Variants in LGR6 observed in about 807,000 individuals in gnomAD.
LGR6 encodes the protein leucine rich repeat containing G protein-coupled receptor 6, also known as leucine-rich repeat-containing G protein-coupled receptor 6.
Under a neutral mutation model 69.4 loss-of-function variants are expected in LGR6, and 45 were observed. That is an observed-to-expected ratio of 0.65 (90% confidence interval 0.51 to 0.83). The LOEUF is 0.83. Ranked by LOEUF, LGR6 falls within the 40% of genes least tolerant of loss-of-function variation. The pLI is 0.00. For synonymous variants in LGR6, 538 were observed against 555.0 expected (o/e 0.97, Z 0.43); for missense variants, 1,108 against 1,246.7 (o/e 0.89, Z 1.68).
At chr1:202,301,335 G>A (rs1053011785) in intron 9 of LGR6, 100 bp downstream of exon 9, 18 of 1,019,120 alleles carry the variant, frequency 1.8e-5, no homozygotes, top group Admixed American at 1.7e-4. Context: ...TCCCTTGCAA[G>A]GCACAAGTCC....
At chr1:202,215,521 G>C (rs1262052404) in intron 1 of LGR6, among the ~76,000 whole-genome samples, 5 of 152,176 alleles carry the variant, frequency 3.3e-5, no homozygotes, top group Non-Finnish European at 7.3e-5. Flanking sequence ...GATGGAGCTG[G>C]AGATCAGAAT....
At chr1:202,315,633 T>C (rs373622050) in intron 17 of LGR6, among the ~76,000 whole-genome samples, 1 of 152,230 alleles carries the variant, frequency 6.6e-6, no homozygotes. Flanking sequence ...ACAGTTTGCT[T>C]CTTCTATTTC....
At chr1:202,314,667 G>A (rs1654004597) in intron 16 of LGR6, 135 bp from the exon 17 acceptor site, 2 of 660,534 alleles carry the variant, frequency 3.0e-6, no homozygotes, top group African/African-American at 3.6e-5. Context: ...AGAAATGGAT[G>A]TGCCGGGTTG....
chr1:202,206,568 G>A (rs998182698), intron 1 of LGR6, among the ~76,000 whole-genome samples: 1 of 151,678 alleles, frequency 6.6e-6, no homozygotes, highest in Non-Finnish European at 1.5e-5. Flanking sequence ...TTATTTTTTC[G>A]AGACAGGATC....
At chr1:202,199,054 T>C (rs1658743224) in intron 1 of LGR6, among the ~76,000 whole-genome samples, 1 of 152,166 alleles carries the variant, frequency 6.6e-6, no homozygotes, top group Non-Finnish European at 1.5e-5. Context: ...GTCCCAAAAC[T>C]TCTCTGGACC....
At chr1:202,283,052 A>G (rs1217636895) in intron 6 of LGR6, among the ~76,000 whole-genome samples, 4 of 152,354 alleles carry the variant, frequency 2.6e-5, no homozygotes, top group Admixed American at 2.6e-4. Flanking sequence ...AATCTGAAAC[A>G]TAATGCCAGT....
intron 1 of LGR6, among the ~76,000 whole-genome samples, chr1:202,205,756 T>TAC (rs1013957835): frequency 9.8e-6 from 1 of 101,890 alleles, no homozygotes; most frequent in African/African-American, 3.9e-5. Context: ...CTCCTTCAAA[T>TAC]ACACACACAC....
In LGR6 at chr1:202,318,781, G is replaced by A; in HGVS notation, c.2478G>A (p.Leu826=). ...LPLPACLNPL[L]YLLFNPHFRD... ...TGCCTGCCTGCCTCAACCCACTGCTGTACCTGCTCTTCAACCCCCACTTCC... is the reference window on the plus strand; with the variant it reads ...TGCCTGCCTGCCTCAACCCACTGCTATACCTGCTCTTCAACCCCCACTTCC... The change falls in exon 18 of 18, where the codon CTG becomes CTA. Residue 826 remains leucine (L), a synonymous_variant. Coordinates refer to ENST00000367278, the MANE Select transcript of LGR6 (RefSeq NM_001017403.2). 1 of 1,613,702 alleles carries A rather than the reference G, an allele frequency of 6.2e-7. No homozygotes were observed. The highest frequency in any genetic ancestry group is 8.5e-7 in the Non-Finnish European group (1 of 1,179,994).
Position 202,270,312 on chromosome 1 carries a change from G to A in LGR6, c.429-5994G>A, listed in dbSNP as rs560413326. 2.6e-5 allele frequency among the ~76,000 whole-genome samples: 4 copies of A among 151,714 alleles called. No homozygotes were observed. In the East Asian group the frequency reaches 5.8e-4, roughly 22 times the overall value. ...GGCTGGAGTGCAATGGCGCGATCTC[G>A]GCTCACTGCAACCTCCGCAACCAGG... is the stretch of plus-strand genomic sequence containing the variant. On this transcript the variant is annotated intron_variant, in intron 4 of 17. Coordinates refer to ENST00000367278, the MANE Select transcript of LGR6 (RefSeq NM_001017403.2).
chr1:202,197,970 C>T (rs1312398584), intron 1 of LGR6, among the ~76,000 whole-genome samples: 3 of 152,298 alleles, frequency 2.0e-5, no homozygotes, highest in Non-Finnish European at 2.9e-5. Flanking sequence ...ACCTAAGCAC[C>T]CATTTTCATC....
At chr1:202,303,420 C>G in intron 10 of LGR6, 73 bp downstream of exon 10, 3 of 1,183,498 alleles carry the variant, frequency 2.5e-6, no homozygotes, top group Non-Finnish European at 3.8e-6. Flanking sequence ...ACTCCCTGCC[C>G]CTGGAAGGCT....
Position 202,194,048 on chromosome 1 carries a change from G to C in LGR6, c.59G>C (p.Arg20Pro). The change falls in exon 1 of 18, where the codon CGG becomes CCG. Residue 20 changes from arginine (R) to proline (P), a missense_variant. Physicochemically the swap from Arg to Pro is moderately radical, Grantham distance 103. Transcript: ENST00000367278. ...CTTTGCGCCGCGCTGTGCGCTTCCC[G>C]GAGGGCCGGCGGCGCCCCCCAGCCC... ...LWLCAALCAS[R>P]RAGGAPQPGP... The C allele has an allele frequency of 7.2e-7, 1 of 1,388,294 alleles. No individual in the cohort carries two copies. The highest frequency in any genetic ancestry group is 9.3e-7 in the Non-Finnish European group (1 of 1,078,568). The allele number at this position is 1,388,294 out of a possible 1,614,324, so 86.0% of individuals were successfully genotyped here.
intron 1 of LGR6, chr1:202,203,829 C>A: frequency 6.2e-7 from 1 of 1,613,852 alleles, no homozygotes; most frequent in East Asian, 2.2e-5. Flanking sequence ...AATGGGAAGA[C>A]CAAGGTTGAC....
At chr1:202,317,491 C>T (rs999837982) in intron 17 of LGR6, among the ~76,000 whole-genome samples, 43 of 152,132 alleles carry the variant, frequency 2.8e-4, no homozygotes, top group South Asian at 1.9e-3. Flanking sequence ...ACTACATGTG[C>T]GTGCCACCAC....
chr1:202,286,967 G>C (rs367793047), intron 6 of LGR6, among the ~76,000 whole-genome samples: 11 of 152,092 alleles, frequency 7.2e-5, no homozygotes, highest in African/African-American at 2.7e-4. Context: ...AACTTCCACT[G>C]TGAACTCTAC....
chr1:202,278,040 G>A (rs771780587), intron 5 of LGR6, among the ~76,000 whole-genome samples: 27 of 152,078 alleles, frequency 1.8e-4, no homozygotes, highest in Middle Eastern at 3.2e-3. Flanking sequence ...GGTGCATGTC[G>A]GGACTTTCAA....
intron 1 of LGR6, among the ~76,000 whole-genome samples, chr1:202,200,760 T>A (rs1658809152): frequency 6.6e-6 from 1 of 151,932 alleles, no homozygotes; most frequent in African/African-American, 2.4e-5. Context: ...GGAGAACAGG[T>A]CCCAGGAGGA....
intron 4 of LGR6, among the ~76,000 whole-genome samples, chr1:202,256,228 T>A (rs962062705): frequency 2.0e-5 from 3 of 152,154 alleles, no homozygotes; most frequent in African/African-American, 7.2e-5. Context: ...CAGCACTTTA[T>A]TCCTTTTTTA....
chr1:202,284,994 A>C (rs1438255006), intron 6 of LGR6, among the ~76,000 whole-genome samples: 9 of 152,240 alleles, frequency 5.9e-5, no homozygotes, highest in African/African-American at 1.7e-4. Flanking sequence ...TAGTGAGAAC[A>C]GAAATCTTCT....
Sources: allele counts gnomAD v4.1 joint callset (sites outside exome capture counted in the v4.1 genomes callset), GRCh38; gene constraint gnomAD v4.1.1; transcripts MANE v1.5; gene names NCBI Gene and HGNC (gene_info 2026-07-23, HGNC 2026-07-21).